PUM1: variants seen among roughly 807,000 people sequenced by gnomAD.
PUM1 encodes pumilio RNA binding family member 1, also known as pumilio homolog 1.
PUM1 carries 13 observed loss-of-function variants against 131.8 expected under a neutral mutation model. That is an observed-to-expected ratio of 0.10 (90% confidence interval 0.06 to 0.16). The LOEUF is 0.16. Ranked by LOEUF, PUM1 falls within the 10% of genes least tolerant of loss-of-function variation. The probability of loss-of-function intolerance (pLI) is 1.00; values close to 1 mark genes in which losing one functional copy is unlikely to be tolerated. For missense variants in PUM1, 961 were observed against 1,512.4 expected (o/e 0.64, Z 6.05); for synonymous variants, 509 against 556.5 (o/e 0.91, Z 1.20).
chr1:31,052,475 C>T (rs2124591179), intron 2 of PUM1, among the ~76,000 whole-genome samples: 1 of 150,880 alleles, frequency 6.6e-6, no homozygotes, highest in Middle Eastern at 3.5e-3. Context: ...ACTCCCTGGG[C>T]TCAAGTGATC....
At chr1:30,990,632 C>G (rs995724676) in intron 7 of PUM1, among the ~76,000 whole-genome samples, 1 of 151,612 alleles carries the variant, frequency 6.6e-6, no homozygotes, top group Admixed American at 6.6e-5. Flanking sequence ...AGGAGGCTTA[C>G]GCCAGTGGTT....
At chr1:31,029,620 T>C (rs1445608833) in intron 2 of PUM1, among the ~76,000 whole-genome samples, 3 of 152,232 alleles carry the variant, frequency 2.0e-5, no homozygotes, top group Non-Finnish European at 4.4e-5. Context: ...TTCTTTGTTA[T>C]GAGCAGCAAG....
Position 31,063,335 on chromosome 1 carries a change from T to C in PUM1, c.-12+2281A>G, listed in dbSNP as rs6682857. On this transcript the variant is annotated intron_variant, in intron 1 of 21. Coordinates refer to ENST00000426105, the MANE Select transcript of PUM1 (RefSeq NM_001020658.2). ...ATGAGATAAATATAAAAGTTTTTGG[T>C]AAATTTAAAGTCATCGTGCTTAAGA... Among the ~76,000 whole-genome samples, 1,292 of 152,304 alleles carry C rather than the reference T, an allele frequency of 8.5e-3. 6 individuals carry two copies. The highest frequency in any genetic ancestry group is 0.031 in the Middle Eastern group (9 of 294).
At chr1:31,030,682 G>A (rs183318193) in intron 2 of PUM1, among the ~76,000 whole-genome samples, 1 of 149,962 alleles carries the variant, frequency 6.7e-6, no homozygotes, top group Non-Finnish European at 1.5e-5. Context: ...CTACACTCTA[G>A]CCTGGGTGAG....
At chr1:30,943,092 A>G (rs1232606058) in intron 18 of PUM1, among the ~76,000 whole-genome samples, 2 of 152,068 alleles carry the variant, frequency 1.3e-5, no homozygotes, top group East Asian at 3.9e-4. Flanking sequence ...TTATATTTAC[A>G]ATCGTAAAGA....
intron 11 of PUM1, 78 bp downstream of exon 11, chr1:30,968,276 C>T: frequency 6.3e-7 from 1 of 1,578,586 alleles, no homozygotes; most frequent in East Asian, 2.3e-5. Context: ...GAAAGCACTG[C>T]TCATTCCCCT....
chr1:30,974,804 T>TA lies in PUM1; in HGVS notation c.1355-3dup. On this transcript the variant is annotated splice_polypyrimidine_tract_variant and splice_region_variant and intron_variant, in intron 9 of 21. Transcript: ENST00000426105. ...ACTGGTGAGGGACCACAGCTGGGCC[T>TA]AAAAATAGCAAAAGAAAGGTAAAGA... is the stretch of plus-strand genomic sequence containing the variant. 6.2e-7 allele frequency: 1 copy of TA among 1,600,118 alleles called. No homozygotes were observed. The highest frequency in any genetic ancestry group is 8.5e-7 in the Non-Finnish European group (1 of 1,172,834).
chr1:31,040,784 TA>T (rs199641795), intron 2 of PUM1, among the ~76,000 whole-genome samples: 57 of 149,578 alleles, frequency 3.8e-4, no homozygotes, highest in Non-Finnish European at 5.8e-4. Flanking sequence ...ATTTTATCTT[TA>T]AAAAAAAAAT....
At chr1:30,947,249 C>G (rs1267103638) in intron 17 of PUM1, among the ~76,000 whole-genome samples, 1 of 152,134 alleles carries the variant, frequency 6.6e-6, no homozygotes, top group Non-Finnish European at 1.5e-5. Context: ...CCTGAACACC[C>G]CACCTCTGCT....
chr1:30,985,445 G>T (rs1346729084), intron 7 of PUM1, among the ~76,000 whole-genome samples: 1 of 152,118 alleles, frequency 6.6e-6, no homozygotes, highest in Non-Finnish European at 1.5e-5. Context: ...CTGAGGTCAG[G>T]AGTTCGAGAC....
intron 6 of PUM1, among the ~76,000 whole-genome samples, chr1:30,993,151 A>G (rs905643214): frequency 6.6e-6 from 1 of 152,178 alleles, no homozygotes; most frequent in South Asian, 2.1e-4. Flanking sequence ...AAGTTTTTAC[A>G]TGTCGTTGGT....
At chr1:30,999,397 A>G (rs1642110569) in intron 5 of PUM1, among the ~76,000 whole-genome samples, 1 of 152,016 alleles carries the variant, frequency 6.6e-6, no homozygotes, top group Non-Finnish European at 1.5e-5. Context: ...ACCTGAGGTC[A>G]GGAGTTCAAG....
chr1:31,000,925 G>A (rs925926833), intron 5 of PUM1, among the ~76,000 whole-genome samples: 4 of 152,156 alleles, frequency 2.6e-5, no homozygotes, highest in South Asian at 2.1e-4. Context: ...AGTGGCTCAC[G>A]CCTGTAATCC....
chr1:30,950,502 G>C (rs1639886884), intron 16 of PUM1, among the ~76,000 whole-genome samples: 1 of 152,192 alleles, frequency 6.6e-6, no homozygotes, highest in South Asian at 2.1e-4. Context: ...ACAATAGGTA[G>C]TTTCACTATT....
At chr1:31,027,719 C>T (rs1643278515) in intron 3 of PUM1, among the ~76,000 whole-genome samples, 1 of 152,188 alleles carries the variant, frequency 6.6e-6, no homozygotes. Flanking sequence ...ACTGCCTAAC[C>T]ACAAAGGCAA....
intron 1 of PUM1, among the ~76,000 whole-genome samples, chr1:31,061,089 T>C (rs1644357569): frequency 6.6e-6 from 1 of 152,122 alleles, no homozygotes; most frequent in South Asian, 2.1e-4. Context: ...TGTAATCACA[T>C]TATGCCATTA....
At chr1:31,034,982 T>A (rs903717053) in intron 2 of PUM1, among the ~76,000 whole-genome samples, 4 of 152,166 alleles carry the variant, frequency 2.6e-5, no homozygotes, top group Non-Finnish European at 5.9e-5. Flanking sequence ...AGAATTAATC[T>A]AATTTGAATT....
intron 2 of PUM1, among the ~76,000 whole-genome samples, chr1:31,055,544 T>C (rs184984183): frequency 1.1e-4 from 17 of 152,304 alleles, no homozygotes; most frequent in African/African-American, 2.9e-4. Context: ...TTCCCCAACG[T>C]TGTTCATTAT....
intron 3 of PUM1, among the ~76,000 whole-genome samples, chr1:31,012,500 G>C: frequency 7.1e-6 from 1 of 140,378 alleles, no homozygotes; most frequent in East Asian, 2.1e-4. Flanking sequence ...CACGTACACT[G>C]TTTATCCCAC....
Sources: gnomAD v4.1 joint callset for allele counts (sites outside exome capture counted in the v4.1 genomes callset) on GRCh38, gnomAD v4.1.1 for gene constraint, MANE v1.5 for transcripts, NCBI Gene and HGNC (gene_info 2026-07-23, HGNC 2026-07-21) for gene names.